MIR2052HG: variants seen among roughly 807,000 people sequenced by gnomAD.
The protein encoded by MIR2052HG is MIR2052 host gene.
At chr8:74,691,478 T>C (rs117917618) in intron 2 of MIR2052HG, among the ~76,000 whole-genome samples, 2,490 of 152,262 alleles carry the variant, frequency 0.016, 24 homozygotes, top group Non-Finnish European at 0.027. Context: ...TCATTGGCAA[T>C]GGGAAATTCC....
At chr8:74,676,855 G>A (rs1401588934) in intron 2 of MIR2052HG, among the ~76,000 whole-genome samples, 1 of 151,900 alleles carries the variant, frequency 6.6e-6, no homozygotes, top group Non-Finnish European at 1.5e-5. Context: ...ATGTTAATTA[G>A]CTGGATTGTG....
At chr8:74,727,933 T>G (rs1158428418) in intron 4 of MIR2052HG, among the ~76,000 whole-genome samples, 2 of 150,762 alleles carry the variant, frequency 1.3e-5, no homozygotes, top group East Asian at 3.8e-4. Context: ...TCATTGTGCA[T>G]GTAGGATGAA....
intron 2 of MIR2052HG, among the ~76,000 whole-genome samples, chr8:74,691,178 A>T (rs1213514843): frequency 6.6e-6 from 1 of 152,182 alleles, no homozygotes; most frequent in African/African-American, 2.4e-5. Flanking sequence ...TTGAGAAAGG[A>T]TTTGTGGACA....
chr8:74,755,979 T>A (rs544493654), intron 5 of MIR2052HG, among the ~76,000 whole-genome samples: 53 of 152,142 alleles, frequency 3.5e-4, no homozygotes, highest in Non-Finnish European at 6.0e-4. Flanking sequence ...AAAGGTATGG[T>A]CTCCGACAAG....
chr8:74,727,515 ATCT>A (rs10603553), intron 4 of MIR2052HG, among the ~76,000 whole-genome samples: 36,206 of 152,058 alleles, frequency 0.24, 5,266 homozygotes, highest in East Asian at 0.63. Context: ...CGATGTTCAG[ATCT>A]TCTGTGACAT....
At chr8:74,729,626 G>A (rs1376671082) in intron 4 of MIR2052HG, among the ~76,000 whole-genome samples, 2 of 152,140 alleles carry the variant, frequency 1.3e-5, no homozygotes, top group Admixed American at 1.3e-4. Context: ...AAGGCTTTGT[G>A]TTTGAGATTG....
chr8:74,664,754 G>T (rs1808904144), intron 2 of MIR2052HG, among the ~76,000 whole-genome samples: 1 of 152,156 alleles, frequency 6.6e-6, no homozygotes, highest in Non-Finnish European at 1.5e-5. Flanking sequence ...CTGACCTCAG[G>T]TGATTCGCCC....
At chr8:74,623,087 TATATTTAACAG>T (rs1204298772) in intron 2 of MIR2052HG, among the ~76,000 whole-genome samples, 1 of 152,196 alleles carries the variant, frequency 6.6e-6, no homozygotes, top group Non-Finnish European at 1.5e-5. Context: ...CCATGGTAAG[TATATTTAACAG>T]CAACCTAGTG....
chr8:74,723,783 A>G (rs1181843233), intron 4 of MIR2052HG, among the ~76,000 whole-genome samples: 5 of 152,226 alleles, frequency 3.3e-5, no homozygotes, highest in African/African-American at 1.2e-4. Context: ...GTACACTTAC[A>G]GTTCTTCATG....
chr8:74,599,761 G>C (rs7001945), upstream of MIR2052HG: 1,972 of 149,776 alleles, frequency 0.013, 42 homozygotes, highest in African/African-American at 0.045. Flanking sequence ...CCACCCAGTT[G>C]GAGCTTTCCG....
chr8:74,662,407 G>A (rs766107832), intron 2 of MIR2052HG, among the ~76,000 whole-genome samples: 4 of 151,664 alleles, frequency 2.6e-5, no homozygotes, highest in Non-Finnish European at 4.4e-5. Context: ...GACACAGGGA[G>A]GCGAACATCA....
intron 4 of MIR2052HG, among the ~76,000 whole-genome samples, chr8:74,728,024 T>C (rs1417592081): frequency 6.6e-6 from 1 of 152,222 alleles, no homozygotes; most frequent in Non-Finnish European, 1.5e-5. Context: ...CTACATACTC[T>C]CAATTACAGT....
chr8:74,680,852 GCA>G (rs1809116089), intron 2 of MIR2052HG, among the ~76,000 whole-genome samples: 2 of 151,432 alleles, frequency 1.3e-5, no homozygotes, highest in Admixed American at 6.6e-5. Context: ...AGAAAATGTG[GCA>G]CATATACACC....
At chr8:74,663,389 G>T (rs920198700) in intron 2 of MIR2052HG, among the ~76,000 whole-genome samples, 1 of 152,178 alleles carries the variant, frequency 6.6e-6, no homozygotes, top group Non-Finnish European at 1.5e-5. Flanking sequence ...ATTGTTTGCT[G>T]TAGTTTTTAC....
chr8:74,669,054 C>T (rs1273228444), intron 2 of MIR2052HG, among the ~76,000 whole-genome samples: 6 of 152,166 alleles, frequency 3.9e-5, no homozygotes, highest in Non-Finnish European at 8.8e-5. Flanking sequence ...ATGTCTCCAA[C>T]TTTATTTCCT....
At chr8:74,744,892 A>T (rs13268614) in intron 4 of MIR2052HG, among the ~76,000 whole-genome samples, 1 of 152,058 alleles carries the variant, frequency 6.6e-6, no homozygotes, top group Non-Finnish European at 1.5e-5. Flanking sequence ...GGTAACTACT[A>T]TCTGTGTCTA....
At chr8:74,712,364 C>G (rs184860970) in intron 4 of MIR2052HG, among the ~76,000 whole-genome samples, 124 of 152,246 alleles carry the variant, frequency 8.1e-4, no homozygotes, top group African/African-American at 2.9e-3. Context: ...TTCAAATGCC[C>G]ATCATTCTGG....
At chr8:74,706,251 A>G (rs1470142362) in intron 4 of MIR2052HG, among the ~76,000 whole-genome samples, 2 of 152,144 alleles carry the variant, frequency 1.3e-5, no homozygotes, top group Non-Finnish European at 2.9e-5. Flanking sequence ...AAATAAACAC[A>G]GACTTGAGTA....
chr8:74,697,390 G>T (rs753387412), intron 2 of MIR2052HG, among the ~76,000 whole-genome samples: 3 of 152,046 alleles, frequency 2.0e-5, no homozygotes, highest in Non-Finnish European at 4.4e-5. Context: ...GGGGAAAGTT[G>T]AAAGCATTCC....
Sources: allele counts gnomAD v4.1 joint callset (sites outside exome capture counted in the v4.1 genomes callset), GRCh38; gene constraint gnomAD v4.1.1; transcripts MANE v1.5; gene names NCBI Gene and HGNC (gene_info 2026-07-23, HGNC 2026-07-21).